The following DDX10 variants were observed in gnomAD, a reference collection of about 807,000 sequenced individuals.
DDX10 encodes DEAD-box helicase 10, also known as probable ATP-dependent RNA helicase DDX10.
DDX10 carries 74 observed loss-of-function variants against 104.3 expected under a neutral mutation model. That is an observed-to-expected ratio of 0.71 (90% CI 0.59 to 0.86). The LOEUF (loss-of-function observed/expected upper bound fraction) is 0.86, where lower values mean the gene tolerates loss of function less well. Among genes scored for constraint, DDX10 ranks in the 40% least tolerant of loss-of-function variants. DDX10 has a pLI of 0.00. For synonymous variants in DDX10, 351 were observed against 353.4 expected (o/e 0.99, Z 0.08); for missense variants, 952 against 1,040.0 (o/e 0.92, Z 1.16).
At chr11:108,850,962 T>C (rs1001266290) in intron 15 of DDX10, among the ~76,000 whole-genome samples, 2 of 152,150 alleles carry the variant, frequency 1.3e-5, no homozygotes, top group Non-Finnish European at 2.9e-5. Flanking sequence ...ATAACCAAAT[T>C]GTTATATGAA....
At position 108,918,047 on chromosome 11, in the gene DDX10, A is replaced by T. The variant is rs760709585; in HGVS notation, c.2450+29A>T. 1.9e-6 allele frequency: 3 copies of T among 1,593,314 alleles called. No individual in the cohort carries two copies. In the South Asian group the frequency reaches 3.3e-5, roughly 18 times the overall value. ...TGTTTTTACTATGGGTATGAAATAC[A>T]TACTTAGTACTCTCACATCAGTCTT... On this transcript the variant is annotated intron_variant, in intron 17 of 17. Transcript: ENST00000322536.
intron 13 of DDX10, among the ~76,000 whole-genome samples, chr11:108,813,555 G>A (rs1019803478): frequency 6.6e-6 from 1 of 151,976 alleles, no homozygotes; most frequent in African/African-American, 2.4e-5. Context: ...TTTGTTTTGG[G>A]TCATATTTTT....
intron 13 of DDX10, among the ~76,000 whole-genome samples, chr11:108,781,884 C>T (rs907358106): frequency 3.3e-5 from 5 of 151,968 alleles, no homozygotes; most frequent in African/African-American, 1.2e-4. Flanking sequence ...GTTAAAAATG[C>T]TTCTTCTGTA....
At chr11:108,763,488 TG>T (rs2094353107) in intron 13 of DDX10, among the ~76,000 whole-genome samples, 1 of 152,174 alleles carries the variant, frequency 6.6e-6, no homozygotes, top group African/African-American at 2.4e-5. Context: ...GCCAGAGATG[TG>T]GGGGGATACT....
At chr11:108,814,042 T>G (rs1292113239) in intron 13 of DDX10, among the ~76,000 whole-genome samples, 1 of 152,218 alleles carries the variant, frequency 6.6e-6, no homozygotes, top group Non-Finnish European at 1.5e-5. Context: ...GGTGTCAATT[T>G]GGGCAATCCA....
chr11:108,920,603 C>T (rs541069006), intron 17 of DDX10: 38 of 152,336 alleles, frequency 2.5e-4, no homozygotes, highest in African/African-American at 8.4e-4. Context: ...AAGTTAGGGA[C>T]AGATCAGTGT....
intron 16 of DDX10, among the ~76,000 whole-genome samples, chr11:108,914,460 A>G (rs1863719201): frequency 6.6e-6 from 1 of 152,172 alleles, no homozygotes; most frequent in Non-Finnish European, 1.5e-5. Context: ...GGAGACCCAT[A>G]GGAAACTAGA....
At chr11:108,706,651 GT>G (rs2094276570) in intron 9 of DDX10, 87 bp from the exon 10 acceptor site, 2 of 1,009,016 alleles carry the variant, frequency 2.0e-6, no homozygotes, top group Non-Finnish European at 3.1e-6. Context: ...GACAAAAATG[GT>G]TTCCATGTTT....
chr11:108,824,488 A>G (rs149794482), intron 13 of DDX10, among the ~76,000 whole-genome samples: 1 of 152,046 alleles, frequency 6.6e-6, no homozygotes, highest in Non-Finnish European at 1.5e-5. Flanking sequence ...TATGTAGCAT[A>G]TAAAATTTCT....
intron 17 of DDX10, among the ~76,000 whole-genome samples, chr11:108,931,947 T>C (rs1274740861): frequency 6.6e-6 from 1 of 151,982 alleles, no homozygotes; most frequent in Admixed American, 6.5e-5. Context: ...TTGTTTTTAG[T>C]GAGCCAACAA....
chr11:108,792,149 T>C (rs933116890), intron 13 of DDX10, among the ~76,000 whole-genome samples: 1 of 152,170 alleles, frequency 6.6e-6, no homozygotes. Context: ...AGTTTTAAGA[T>C]TCTTGACTAT....
intron 16 of DDX10, among the ~76,000 whole-genome samples, chr11:108,871,114 A>G (rs968110719): frequency 6.6e-6 from 1 of 152,164 alleles, no homozygotes; most frequent in East Asian, 1.9e-4. Flanking sequence ...CTCTAATTAT[A>G]CACTTTGTGT....
At chr11:108,745,171 T>TC (rs1555020839) in intron 13 of DDX10, among the ~76,000 whole-genome samples, 3 of 89,020 alleles carry the variant, frequency 3.4e-5, no homozygotes, top group East Asian at 4.3e-4. Context: ...CTTCCCTTCC[T>TC]CCCTCCCCTC....
chr11:108,802,188 AT>A (rs958906005), intron 13 of DDX10, among the ~76,000 whole-genome samples: 4 of 151,488 alleles, frequency 2.6e-5, no homozygotes, highest in South Asian at 2.1e-4. Context: ...TGGGTTTTGG[AT>A]TTTTTTTTAT....
chr11:108,719,930 G>C, intron 12 of DDX10, 45 bp downstream of exon 12: 1 of 1,160,504 alleles, frequency 8.6e-7, no homozygotes, highest in East Asian at 2.3e-5. Context: ...CTCAAGGTTA[G>C]AGGGAATTAA....
At chr11:108,854,405 C>G (rs1862837498) in intron 16 of DDX10, among the ~76,000 whole-genome samples, 1 of 152,150 alleles carries the variant, frequency 6.6e-6, no homozygotes, top group Non-Finnish European at 1.5e-5. Flanking sequence ...TCTCGTTGAT[C>G]CTCTTATGTA....
chr11:108,926,579 C>G (rs1313830088), intron 17 of DDX10, among the ~76,000 whole-genome samples: 1 of 152,110 alleles, frequency 6.6e-6, no homozygotes, highest in Non-Finnish European at 1.5e-5. Flanking sequence ...ATTGTTTTTA[C>G]AAATTTGTTT....
At chr11:108,751,451 A>G (rs545579674) in intron 13 of DDX10, among the ~76,000 whole-genome samples, 3 of 152,316 alleles carry the variant, frequency 2.0e-5, no homozygotes, top group African/African-American at 7.2e-5. Flanking sequence ...TTCCTTCCAT[A>G]ACAAAAGCTC....
intron 7 of DDX10, 29 bp downstream of exon 7, chr11:108,689,091 C>T (rs770224673): frequency 1.7e-5 from 27 of 1,610,226 alleles, no homozygotes; most frequent in South Asian, 2.2e-5. Context: ...GCTTTCTGAA[C>T]GTATGTTGAA....
Sources: gnomAD v4.1 joint callset for allele counts (sites outside exome capture counted in the v4.1 genomes callset) on GRCh38, gnomAD v4.1.1 for gene constraint, MANE v1.5 for transcripts, NCBI Gene and HGNC (gene_info 2026-07-23, HGNC 2026-07-21) for gene names.